CELF2: variants seen among roughly 807,000 people sequenced by gnomAD.
CELF2 encodes the protein CUGBP Elav-like family member 2.
Under a neutral mutation model 62.6 loss-of-function variants are expected in CELF2, and 8 were observed. That is an observed-to-expected ratio of 0.13 (90% CI 0.07 to 0.23). The LOEUF is 0.23. CELF2 is among the 10% of genes least tolerant of loss of function. The probability of loss-of-function intolerance (pLI) is 1.00; values close to 1 mark genes in which losing one functional copy is unlikely to be tolerated. For missense variants in CELF2, 333 were observed against 671.0 expected (o/e 0.50, Z 5.56); for synonymous variants, 258 against 250.0 (o/e 1.03, Z -0.30).
At chr10:11,007,752 A>G (rs1413928878) in intron 1 of CELF2, among the ~76,000 whole-genome samples, 1 of 152,148 alleles carries the variant, frequency 6.6e-6, no homozygotes, top group African/African-American at 2.4e-5. Context: ...AAAGGTTGCA[A>G]GTCAATTTTG....
At chr10:10,497,631 A>G in the CELF2 span, among the ~76,000 whole-genome samples, 125,307 of 152,058 alleles carry the variant, frequency 0.82, 52,222 homozygotes, top group African/African-American at 0.94. Context: ...GGAGCCGGCC[A>G]CACCGCTGTC....
Position 11,165,666 on chromosome 10 carries a change from C to G in CELF2, c.255C>G (p.Asn85Lys), listed in dbSNP as rs377685225. Reference protein sequence around the residue: ...QINVLRDRSQNPPQSKGCCFV... With the variant: ...QINVLRDRSQKPPQSKGCCFV... ...ACGTCCTCCGGGACCGGAGTCAGAA[C>G]CCTCCGCAGAGTAAAGGTACAGAGC... Residue 85 changes from asparagine to lysine, a missense_variant, in exon 2 of 13, where the codon AAC (asparagine) becomes AAG (lysine). Asn to Lys is a moderately conservative substitution (Grantham distance 94). Around this residue, in one of 3 missense-constraint regions of CELF2, gnomAD observed 253 missense variants for 503.0 expected, o/e 0.50. Transcript: ENST00000633077. The surrounding 1 kb of genome is among the most constrained non-coding windows in gnomAD (Gnocchi z 7.4). 1 of 1,613,588 alleles carries G rather than the reference C, an allele frequency of 6.2e-7. No homozygotes were observed. Among genetic ancestry groups the G allele is most frequent in the African/African-American group, 1.3e-5 (1 of 74,936 alleles).
intron 1 of CELF2, among the ~76,000 whole-genome samples, chr10:10,833,764 A>G (rs1590951198): frequency 6.6e-6 from 1 of 152,226 alleles, no homozygotes; most frequent in East Asian, 1.9e-4. Flanking sequence ...ACAATGAGAT[A>G]CCATCTCGCA....
At chr10:10,772,078 A>G in the CELF2 span, among the ~76,000 whole-genome samples, 1 of 152,130 alleles carries the variant, frequency 6.6e-6, no homozygotes, top group South Asian at 2.1e-4. Flanking sequence ...TACTGTGCCT[A>G]TTGTACAGAA....
At chr10:10,494,647 C>T in the CELF2 span, among the ~76,000 whole-genome samples, 2 of 152,194 alleles carry the variant, frequency 1.3e-5, no homozygotes, top group African/African-American at 4.8e-5. Context: ...TAATCTTCTT[C>T]AGTGAAGCTC....
chr10:10,487,644 C>T, the CELF2 span, among the ~76,000 whole-genome samples: 5 of 152,104 alleles, frequency 3.3e-5, no homozygotes, highest in Non-Finnish European at 7.4e-5. Context: ...AAACCTTATA[C>T]TTTGATGCAT....
At position 11,197,052 on chromosome 10, in the gene CELF2, A is replaced by AGAAGGAAAGAAAGAAAGAAG. The variant is rs1565233002; in HGVS notation, c.272-20370_272-20369insGGAAAGAAAGAAAGAAGGAA. Among the ~76,000 whole-genome samples, 60 of 31,684 alleles carry AGAAGGAAAGAAAGAAAGAAG rather than the reference A, an allele frequency of 1.9e-3. 3 individuals are homozygous for AGAAGGAAAGAAAGAAAGAAG. Among genetic ancestry groups the AGAAGGAAAGAAAGAAAGAAG allele is most frequent in the African/African-American group, 7.4e-3 (58 of 7,826 alleles). 20.8% of individuals were successfully genotyped at this position (31,684 alleles called of 152,430 possible). A position where few individuals can be genotyped will look rare whatever the true frequency, so the allele number is the denominator to read the frequency against. On this transcript the variant is annotated intron_variant, in intron 2 of 12. Transcript: ENST00000633077. Reference sequence around the variant, plus strand: ...AAGAAAGAAAGAAAGAAAGAAAGAAAGAAAGAAAAGAAAGAAAGGAAAGAA... The same window carrying AGAAGGAAAGAAAGAAAGAAG: ...AAGAAAGAAAGAAAGAAAGAAAGAAAGAAGGAAAGAAAGAAAGAAGGAAAGAAAAGAAAGAAAGGAAAGAA...
At chr10:10,476,042 T>C in the CELF2 span, among the ~76,000 whole-genome samples, 4 of 152,096 alleles carry the variant, frequency 2.6e-5, no homozygotes, top group Non-Finnish European at 5.9e-5. Context: ...TTTTGTTCTC[T>C]TGAATACACA....
chr10:11,295,764 A>T (rs2093097778), intron 9 of CELF2, among the ~76,000 whole-genome samples: 1 of 152,154 alleles, frequency 6.6e-6, no homozygotes. Flanking sequence ...AGTTGGAAAC[A>T]GTGTGTCTGC....
chr10:11,213,039 G>A (rs1476855755), intron 2 of CELF2, among the ~76,000 whole-genome samples: 1 of 152,200 alleles, frequency 6.6e-6, no homozygotes, highest in Non-Finnish European at 1.5e-5. Context: ...AGAAGCACCT[G>A]GTTCATCAGA....
chr10:10,594,485 A>G, the CELF2 span, among the ~76,000 whole-genome samples: 25 of 152,362 alleles, frequency 1.6e-4, no homozygotes, highest in Non-Finnish European at 3.1e-4. Context: ...GAAGGGGCTA[A>G]GCTCAGAGAA....
At position 11,256,018 on chromosome 10, in the gene CELF2, C is replaced by G. The variant is rs996943735; in HGVS notation, c.404-1720C>G. On this transcript the variant is annotated intron_variant, in intron 4 of 12. Coordinates refer to ENST00000633077, the MANE Select transcript of CELF2 (RefSeq NM_001326342.2). ...TGGATGACCCTAGGCAGGTCCCTCCCCCGCTGGACCTTGGGAAATCTTTTG... is the reference window on the plus strand; with the variant it reads ...TGGATGACCCTAGGCAGGTCCCTCCGCCGCTGGACCTTGGGAAATCTTTTG... 5.9e-5 allele frequency among the ~76,000 whole-genome samples: 9 copies of G among 152,160 alleles called. 1 individual carries two copies. The highest frequency in any genetic ancestry group is 3.3e-4 in the Admixed American group (5 of 15,274).
At chr10:11,184,997 A>AT (rs2074451402) in intron 2 of CELF2, among the ~76,000 whole-genome samples, 1 of 152,192 alleles carries the variant, frequency 6.6e-6, no homozygotes, top group Non-Finnish European at 1.5e-5. Context: ...GAAAAGCATG[A>AT]TGTAATGTAT....
the CELF2 span, among the ~76,000 whole-genome samples, chr10:10,786,969 T>C: frequency 6.6e-6 from 1 of 151,734 alleles, no homozygotes. Context: ...ATCCCTGTTT[T>C]CATAGTGAAC....
rs187572305 is a variant in CELF2, at chr10:11,039,501, C to T, written c.74+21338C>T. On this transcript the variant is annotated intron_variant, in intron 1 of 12. Coordinates refer to ENST00000633077, the MANE Select transcript of CELF2 (RefSeq NM_001326342.2). The surrounding 1 kb of genome is among the most constrained non-coding windows in gnomAD (Gnocchi z 4.1). ...AGTGTGTACTCAAAGTACCTTAAAA[C>T]GAGTTCAGAGTTAATTATTTACTTC... Among the ~76,000 whole-genome samples, 123 of 152,160 alleles carry T rather than the reference C, an allele frequency of 8.1e-4. 2 individuals are homozygous for T. The highest frequency in any genetic ancestry group is 1.5e-3 in the Non-Finnish European group (105 of 68,022).
At chr10:10,505,013 A>G in the CELF2 span, among the ~76,000 whole-genome samples, 2 of 152,160 alleles carry the variant, frequency 1.3e-5, no homozygotes, top group South Asian at 4.1e-4. Context: ...TAAATCAAAC[A>G]TGTCTGTCAT....
At chr10:11,014,683 TATGAG>T (rs1235992855), upstream of CELF2, among the ~76,000 whole-genome samples, 1 of 152,088 alleles carries the variant, frequency 6.6e-6, no homozygotes, top group East Asian at 1.9e-4. Flanking sequence ...CAAAACTCTG[TATGAG>T]ATGAGGTTCG....
chr10:11,259,005 G>A (rs2079648195), intron 5 of CELF2, among the ~76,000 whole-genome samples: 1 of 152,184 alleles, frequency 6.6e-6, no homozygotes, highest in South Asian at 2.1e-4. Context: ...CTTCTTACAG[G>A]AAATCCATAT....
At chr10:10,497,538 A>G in the CELF2 span, among the ~76,000 whole-genome samples, 2 of 152,262 alleles carry the variant, frequency 1.3e-5, no homozygotes, top group Admixed American at 6.5e-5. Flanking sequence ...GAAAAGTGCT[A>G]CAGGTTAAAA....
Sources: gnomAD v4.1 joint callset for allele counts (sites outside exome capture counted in the v4.1 genomes callset) on GRCh38, gnomAD v4.1.1 for gene constraint, gnomAD v4.1.1 regional missense constraint, Gnocchi (gnomAD v3.1) non-coding constraint, MANE v1.5 for transcripts, NCBI Gene and HGNC (gene_info 2026-07-23, HGNC 2026-07-21) for gene names.